Variants in PAK4 observed in about 807,000 individuals in gnomAD.
The protein encoded by PAK4 is serine/threonine-protein kinase PAK 4.
PAK4 carries 49 observed loss-of-function variants against 53.5 expected under a neutral mutation model. The ratio of observed to expected loss-of-function variants is 0.92; its 90% confidence interval spans 0.73 to 1.16. The LOEUF (loss-of-function observed/expected upper bound fraction) is 1.16, where lower values mean the gene tolerates loss of function less well. Among genes scored for constraint, PAK4 ranks in the 50% most tolerant of loss-of-function variants. PAK4 has a pLI of 0.00. For synonymous variants in PAK4, 376 were observed against 375.6 expected, an observed-to-expected ratio of 1.00 and a Z score of -0.01; for missense variants, 824 against 850.7, an observed-to-expected ratio of 0.97 and a Z score of 0.39.
intron 1 of PAK4, among the ~76,000 whole-genome samples, chr19:39,144,616 G>A (rs1287231751): frequency 6.6e-6 from 1 of 152,230 alleles, no homozygotes; most frequent in African/African-American, 2.4e-5. Context: ...CCTGGTATGT[G>A]GAGAGACCTG....
Position 39,169,768 on chromosome 19 carries a change from C to G in PAK4, c.204+11C>G. ...CCCGGGGCCCCCAAGGTATGTGGCA[C>G]CCACCACCACCTCCCCCAGCCCACC... is the stretch of plus-strand genomic sequence containing the variant. On this transcript the variant is annotated intron_variant, in intron 2 of 8. Coordinates refer to ENST00000358301, the Ensembl canonical transcript of PAK4. 6.3e-7 allele frequency: 1 copy of G among 1,576,720 alleles called. No homozygotes were observed. The highest frequency in any genetic ancestry group is 1.1e-5 in the South Asian group (1 of 89,112).
intron 1 of PAK4, among the ~76,000 whole-genome samples, chr19:39,150,057 T>C (rs1377632472): frequency 6.6e-5 from 10 of 152,312 alleles, no homozygotes; most frequent in Non-Finnish European, 1.2e-4. Flanking sequence ...CTGAATTGTA[T>C]ACTTACAGAT....
At position 39,173,512 on chromosome 19, in the gene PAK4, C is replaced by T. The variant is rs925615754; in HGVS notation, c.664-64C>T. 9.9e-6 allele frequency: 14 copies of T among 1,414,750 alleles called. No homozygotes were observed. The highest frequency in any genetic ancestry group is 5.5e-5 in the South Asian group (4 of 72,342). 87.6% of individuals were successfully genotyped at this position (1,414,750 alleles called of 1,614,324 possible). On this transcript the variant is annotated intron_variant, in intron 3 of 8. Transcript: ENST00000358301. This position sits in a 1 kb window ranked among gnomAD's most constrained non-coding sequence, Gnocchi z 6.9. ...TCTGTCCCATCGCTGGGTCTCTCTC[C>T]TGCTTAGGGAGCAGAGCTGCTCCCT... is the stretch of plus-strand genomic sequence containing the variant.
At chr19:39,177,749 C>T in exon 8 of PAK4, 6 of 1,613,676 alleles carry the variant, frequency 3.7e-6, no homozygotes, top group Non-Finnish European at 5.1e-6. Flanking sequence ...ACGAGCCACC[C>T]CTCAAAGCCA....
At chr19:39,156,388 G>T (rs565959121) in intron 1 of PAK4, among the ~76,000 whole-genome samples, 1 of 151,480 alleles carries the variant, frequency 6.6e-6, no homozygotes, top group South Asian at 2.1e-4. Context: ...CCCCTTAGCC[G>T]CCTGGCCAGC....
At chr19:39,146,597 G>A (rs1395126069) in intron 1 of PAK4, among the ~76,000 whole-genome samples, 1 of 152,146 alleles carries the variant, frequency 6.6e-6, no homozygotes, top group Non-Finnish European at 1.5e-5. Context: ...CACCCCATTT[G>A]GGGAGGCCAA....
At chr19:39,169,858 G>T in intron 2 of PAK4, 101 bp downstream of exon 3, 1 of 826,130 alleles carries the variant, frequency 1.2e-6, no homozygotes, top group South Asian at 1.7e-5. Context: ...CCTCCTCACT[G>T]ACATGGAAAT....
chr19:39,180,589 CGCTT>C (rs1568536758), downstream of PAK4: 1 of 152,100 alleles, frequency 6.6e-6, no homozygotes, highest in East Asian at 1.9e-4. Flanking sequence ...GGATTACAGG[CGCTT>C]GCCACCACGC....
chr19:39,142,931 C>T (rs2073933762), intron 1 of PAK4, among the ~76,000 whole-genome samples: 1 of 152,148 alleles, frequency 6.6e-6, no homozygotes, highest in Non-Finnish European at 1.5e-5. Context: ...TCAGCTGCTC[C>T]ATTCTCTGCT....
chr19:39,127,257 C>A (rs1392732467), intron 1 of PAK4, among the ~76,000 whole-genome samples: 1 of 152,006 alleles, frequency 6.6e-6, no homozygotes. Context: ...CACCTCACTT[C>A]TTATGGCTCT....
chr19:39,175,716 G>A lies in PAK4; in HGVS notation c.1359+278G>A, dbSNP rs952961339. On this transcript the variant is annotated intron_variant, in intron 6 of 8. Coordinates refer to ENST00000358301, the Ensembl canonical transcript of PAK4. The surrounding 1 kb of genome is among the most constrained non-coding windows in gnomAD (Gnocchi z 4.7). Reference sequence around the variant, plus strand: ...GATCTGGGCAGACAGCGCAGCCCCCGCCACAGGCTTCTTCCTCCACTGAAA... The same window carrying A: ...GATCTGGGCAGACAGCGCAGCCCCCACCACAGGCTTCTTCCTCCACTGAAA... Among the ~76,000 whole-genome samples, 2 of 152,166 alleles carry A rather than the reference G, an allele frequency of 1.3e-5. No individual in the cohort carries two copies. The highest frequency in any genetic ancestry group is 6.5e-5 in the Admixed American group (1 of 15,288).
rs545444282 is a variant in PAK4, at chr19:39,148,196, C to T, written c.-22-21336C>T. 1.1e-4 allele frequency among the ~76,000 whole-genome samples: 16 copies of T among 151,630 alleles called. No homozygotes were observed. In the East Asian group the frequency reaches 3.1e-3, roughly 29 times the overall value. ...CGAACTCCTGACCTCAGGTGATCCG[C>T]CTGCCTCGGCCTCCCAAAGTGCTGG... is the stretch of plus-strand genomic sequence containing the variant. On this transcript the variant is annotated intron_variant, in intron 1 of 8. Coordinates refer to ENST00000358301, the Ensembl canonical transcript of PAK4.
chr19:39,149,622 C>T (rs941586749), intron 1 of PAK4, among the ~76,000 whole-genome samples: 23 of 152,138 alleles, frequency 1.5e-4, no homozygotes, highest in African/African-American at 5.3e-4. Context: ...TTTGGGAGGC[C>T]GAGGCTGGCA....
chr19:39,128,535 C>G (rs1329871630), intron 1 of PAK4, among the ~76,000 whole-genome samples: 1 of 152,216 alleles, frequency 6.6e-6, no homozygotes, highest in Non-Finnish European at 1.5e-5. Context: ...ATATTCAGGT[C>G]CCTCCCTTGT....
At chr19:39,152,348 C>T (rs574766972) in intron 1 of PAK4, 32 of 152,292 alleles carry the variant, frequency 2.1e-4, no homozygotes, top group African/African-American at 7.5e-4. Flanking sequence ...GTAGCTTTCT[C>T]GGTTCTCACA....
At chr19:39,166,769 C>T (rs149121729) in intron 1 of PAK4, among the ~76,000 whole-genome samples, 124 of 152,328 alleles carry the variant, frequency 8.1e-4, no homozygotes, top group Non-Finnish European at 1.4e-3. Flanking sequence ...AGGCCTGGCA[C>T]GGCCTCTGTG....
intron 1 of PAK4, among the ~76,000 whole-genome samples, chr19:39,131,195 G>T (rs1413420274): frequency 6.6e-6 from 1 of 152,142 alleles, no homozygotes; most frequent in Non-Finnish European, 1.5e-5. Flanking sequence ...TACTGGGGCT[G>T]CCCTCCCGTG....
chr19:39,158,303 TGAG>T (rs1357719415), intron 1 of PAK4, among the ~76,000 whole-genome samples: 2 of 152,086 alleles, frequency 1.3e-5, no homozygotes, highest in African/African-American at 4.8e-5. Flanking sequence ...GTTGGGTCTG[TGAG>T]GAGAGGCCGT....
At chr19:39,135,481 A>G (rs2073795436) in intron 1 of PAK4, among the ~76,000 whole-genome samples, 1 of 151,740 alleles carries the variant, frequency 6.6e-6, no homozygotes, top group African/African-American at 2.4e-5. Flanking sequence ...GATTACAGGC[A>G]TGTGCCACCA....
Sources: allele counts gnomAD v4.1 joint callset (sites outside exome capture counted in the v4.1 genomes callset), GRCh38; gene constraint gnomAD v4.1.1; non-coding constraint Gnocchi (gnomAD v3.1); transcripts MANE v1.5; gene names NCBI Gene and HGNC (gene_info 2026-07-23, HGNC 2026-07-21).